Variants in RUNDC3B observed in about 807,000 individuals in gnomAD.
RUNDC3B encodes RUN domain-containing protein 3B.
In RUNDC3B, 33 loss-of-function variants were observed where a neutral mutation model predicts 58.4. The ratio of observed to expected loss-of-function variants is 0.56; its 90% CI spans 0.43 to 0.75. The LOEUF (loss-of-function observed/expected upper bound fraction) is 0.75, where lower values mean the gene tolerates loss of function less well. Among genes scored for constraint, RUNDC3B ranks in the 30% least tolerant of loss-of-function variants. RUNDC3B has a pLI of 0.00. For synonymous variants in RUNDC3B, 193 were observed against 195.2 expected, an observed-to-expected ratio of 0.99 and a Z score of 0.10; for missense variants, 501 against 535.7, an observed-to-expected ratio of 0.94 and a Z score of 0.64.
intron 6 of RUNDC3B, among the ~76,000 whole-genome samples, chr7:87,765,372 C>A (rs75297097): frequency 6.6e-6 from 1 of 151,768 alleles, no homozygotes; most frequent in African/African-American, 2.4e-5. Flanking sequence ...TTTCTAGTTC[C>A]TTGAAGTGTA....
At chr7:87,632,110 A>G (rs1821280901) in intron 1 of RUNDC3B, among the ~76,000 whole-genome samples, 1 of 151,528 alleles carries the variant, frequency 6.6e-6, no homozygotes, top group Non-Finnish European at 1.5e-5. Context: ...CATTTACAAA[A>G]CCAAAAAAAA....
chr7:87,696,358 T>G (rs1219048545), intron 2 of RUNDC3B, among the ~76,000 whole-genome samples: 2 of 152,186 alleles, frequency 1.3e-5, no homozygotes, highest in Non-Finnish European at 2.9e-5. Context: ...TGTAACTTTG[T>G]TTTTAAATTT....
chr7:87,718,090 T>C (rs1319774322), intron 4 of RUNDC3B, among the ~76,000 whole-genome samples: 1 of 152,158 alleles, frequency 6.6e-6, no homozygotes, highest in Non-Finnish European at 1.5e-5. Context: ...CTAGGAGGAC[T>C]CATAGTCTTA....
intron 2 of RUNDC3B, among the ~76,000 whole-genome samples, chr7:87,653,035 G>T (rs2130388815): frequency 6.6e-6 from 1 of 152,100 alleles, no homozygotes; most frequent in Middle Eastern, 3.4e-3. Flanking sequence ...GTGAAGAGCT[G>T]AGACAGTTAC....
At chr7:87,717,936 A>G (rs1168200670) in intron 4 of RUNDC3B, among the ~76,000 whole-genome samples, 2 of 152,194 alleles carry the variant, frequency 1.3e-5, no homozygotes, top group Admixed American at 6.6e-5. Flanking sequence ...TTGAAATGTA[A>G]AAATATTAGT....
At chr7:87,689,963 G>C (rs890723229) in intron 2 of RUNDC3B, among the ~76,000 whole-genome samples, 1 of 151,978 alleles carries the variant, frequency 6.6e-6, no homozygotes, top group Non-Finnish European at 1.5e-5. Context: ...ATCTTTGAAT[G>C]TTTAAATAGC....
chr7:87,661,126 T>G (rs1159692733), intron 2 of RUNDC3B, among the ~76,000 whole-genome samples: 2 of 152,062 alleles, frequency 1.3e-5, no homozygotes. Context: ...TTAAAATTTT[T>G]AATTTTATGG....
intron 4 of RUNDC3B, among the ~76,000 whole-genome samples, chr7:87,736,875 ATATATATATATATATTTTTTTTTTTTT>A (rs1376955255): frequency 4.3e-3 from 158 of 36,370 alleles, no homozygotes; most frequent in African/African-American, 0.02. Context: ...ATATATATAT[ATATATATATATATATTTTTTTTTTTTT>A]TTTTTTTTTT....
intron 3 of RUNDC3B, among the ~76,000 whole-genome samples, chr7:87,703,914 GTTTTTTTTTTTTTTTTTTTTTTTTTTGA>G (rs1829349257): frequency 2.3e-5 from 1 of 42,974 alleles, no homozygotes; most frequent in Non-Finnish European, 4.2e-5. Flanking sequence ...TTTTTTTTTG[GTTTTTTTTTTTTTTTTTTTTTTTTTTGA>G]GACAGTCTAG....
intron 4 of RUNDC3B, among the ~76,000 whole-genome samples, chr7:87,722,653 A>T (rs1307490062): frequency 6.6e-6 from 1 of 152,178 alleles, no homozygotes; most frequent in East Asian, 1.9e-4. Context: ...GAAGAGTACC[A>T]AGTGGGGCCT....
chr7:87,702,784 T>C lies in RUNDC3B; in HGVS notation c.372+2230T>C, dbSNP rs542956831. Among the ~76,000 whole-genome samples, 9 of 152,304 alleles carry C rather than the reference T, an allele frequency of 5.9e-5. No individual in the cohort carries two copies. The South Asian group carries it at 1.9e-3, about 32-fold the overall frequency. ...AAATGATCTCAAAACTAAAACTTTTTGAGCATCACCATGATGTTCAAAGAA... is the reference window on the plus strand; with the variant it reads ...AAATGATCTCAAAACTAAAACTTTTCGAGCATCACCATGATGTTCAAAGAA... On this transcript the variant is annotated intron_variant, in intron 3 of 10. Coordinates refer to ENST00000394654, the MANE Select transcript of RUNDC3B (RefSeq NM_001134405.2).
intron 2 of RUNDC3B, chr7:87,693,975 A>T: frequency 1.2e-6 from 2 of 1,611,040 alleles, no homozygotes; most frequent in Non-Finnish European, 1.7e-6. Flanking sequence ...TATGCTGGTG[A>T]TGTCTCCCGC....
intron 6 of RUNDC3B, among the ~76,000 whole-genome samples, chr7:87,742,275 T>C (rs763868545): frequency 2.2e-4 from 34 of 152,304 alleles, no homozygotes; most frequent in Non-Finnish European, 4.7e-4. Context: ...AGTTCTTCAG[T>C]GGTGATTTGT....
chr7:87,720,005 A>G (rs78128508), intron 4 of RUNDC3B, among the ~76,000 whole-genome samples: 29 of 150,252 alleles, frequency 1.9e-4, no homozygotes, highest in Admixed American at 1.1e-3. Context: ...AAAAAAAAAA[A>G]AGAGAAAGAA....
chr7:87,803,059 G>A (rs1209075079), intron 8 of RUNDC3B, among the ~76,000 whole-genome samples: 1 of 151,942 alleles, frequency 6.6e-6, no homozygotes, highest in Non-Finnish European at 1.5e-5. Flanking sequence ...AAAGAATAAA[G>A]CATCAGTGGC....
At chr7:87,776,763 GA>G (rs911844247) in intron 7 of RUNDC3B, among the ~76,000 whole-genome samples, 7 of 151,312 alleles carry the variant, frequency 4.6e-5, no homozygotes, top group East Asian at 1.9e-4. Context: ...AGAATTATCA[GA>G]AAAAAATATA....
intron 2 of RUNDC3B, among the ~76,000 whole-genome samples, chr7:87,679,807 A>G (rs754042484): frequency 6.6e-6 from 1 of 150,724 alleles, no homozygotes; most frequent in Non-Finnish European, 1.5e-5. Context: ...AAGAAACCTT[A>G]GCAAATTTAA....
chr7:87,744,187 CA>C (rs1832515498), intron 6 of RUNDC3B, among the ~76,000 whole-genome samples: 2 of 152,200 alleles, frequency 1.3e-5, no homozygotes, highest in South Asian at 4.2e-4. Context: ...ATTTTAATAC[CA>C]GTACCACACT....
Position 87,829,991 on chromosome 7 carries a change from T to C in RUNDC3B, c.1332T>C (p.Pro444=). The part of the protein sequence containing the change: ...SLKSNDYLAS[P]TTEMTSPGLT... ...AATCTAATGACTACCTTGCAAGTCCTACAACAGAGATGACAAGTCCAGGCC... is the reference window on the plus strand; with the variant it reads ...AATCTAATGACTACCTTGCAAGTCCCACAACAGAGATGACAAGTCCAGGCC... Residue 444 remains proline, a synonymous_variant, in exon 11 of 11, where the codon CCT becomes CCC. Transcript: ENST00000394654. 1 of 1,609,134 alleles carries C rather than the reference T, an allele frequency of 6.2e-7. No individual in the cohort carries two copies. Among genetic ancestry groups the C allele is most frequent in the Non-Finnish European group, 8.5e-7 (1 of 1,177,568 alleles).
Sources: allele counts gnomAD v4.1 joint callset (sites outside exome capture counted in the v4.1 genomes callset), GRCh38; gene constraint gnomAD v4.1.1; transcripts MANE v1.5; gene names NCBI Gene and HGNC (gene_info 2026-07-23, HGNC 2026-07-21).